The following GLI3 variants were observed in gnomAD, a reference collection of about 807,000 sequenced individuals.
The protein encoded by GLI3 is GLI family zinc finger 3, also known as transcription activator GLI3.
In GLI3, 20 loss-of-function variants were observed where a neutral mutation model predicts 100.8. The ratio of observed to expected loss-of-function variants is 0.20; its 90% CI spans 0.14 to 0.29. GLI3 has a LOEUF of 0.29. Among genes scored for constraint, GLI3 ranks in the 10% least tolerant of loss-of-function variants. The probability of loss-of-function intolerance (pLI) is 1.00; values close to 1 mark genes in which losing one functional copy is unlikely to be tolerated. For missense variants in GLI3, 2,040 were observed against 2,128.5 expected (o/e 0.96, Z 0.82); for synonymous variants, 938 against 860.5 (o/e 1.09, Z -1.58).
intron 2 of GLI3, among the ~76,000 whole-genome samples, chr7:42,170,626 C>A (rs1787353044): frequency 6.6e-6 from 1 of 151,770 alleles, no homozygotes; most frequent in Admixed American, 6.6e-5. Context: ...ATGGTCTCGA[C>A]CTCCTGACCT....
chr7:42,210,215 G>C (rs1373435325), intron 2 of GLI3, among the ~76,000 whole-genome samples: 1 of 151,946 alleles, frequency 6.6e-6, no homozygotes, highest in African/African-American at 2.4e-5. Flanking sequence ...TGTTTACGGA[G>C]GTAGGAGCTA....
At chr7:42,179,837 G>T (rs1171183345) in intron 2 of GLI3, among the ~76,000 whole-genome samples, 1 of 152,146 alleles carries the variant, frequency 6.6e-6, no homozygotes, top group African/African-American at 2.4e-5. Flanking sequence ...GCTAGAAAAG[G>T]TGTAGCAGCC....
intron 6 of GLI3, among the ~76,000 whole-genome samples, chr7:42,041,136 C>T (rs1258763237): frequency 1.3e-5 from 2 of 152,108 alleles, no homozygotes; most frequent in Non-Finnish European, 2.9e-5. Context: ...GTACAATGAA[C>T]CTATAGGGCA....
intron 10 of GLI3, among the ~76,000 whole-genome samples, chr7:41,988,240 T>C (rs1254435863): frequency 6.6e-6 from 1 of 152,050 alleles, no homozygotes; most frequent in Non-Finnish European, 1.5e-5. Context: ...GGCGGGTGGA[T>C]CACCTGAGGT....
chr7:41,965,409 G>A lies in GLI3; in HGVS notation c.3664C>T (p.Pro1222Ser), dbSNP rs118149040. The A allele has an allele frequency of 3.0e-3, 4,834 of 1,609,668 alleles. 6 individuals are homozygous for A. The highest frequency in any genetic ancestry group is 6.4e-3 in the Middle Eastern group (39 of 6,060). ...GYQTLGENSN[P>S]YGGPEHLMLH... ...ATCAAGTGCTCTGGGCCACCGTAGG[G>A]GTTGCTGTTCTCCCCGAGGGTCTGA... The change falls in exon 15 of 15, where the codon CCC (proline) becomes TCC (serine). Residue 1222 changes from proline to serine, a missense_variant. Transcript: ENST00000395925.
chr7:42,219,647 C>T (rs542039879), intron 2 of GLI3, among the ~76,000 whole-genome samples: 1 of 152,246 alleles, frequency 6.6e-6, no homozygotes, highest in East Asian at 1.9e-4. Context: ...CAAGGACATG[C>T]AGTGGAATGT....
At chr7:42,133,777 GA>G (rs1184742589) in intron 3 of GLI3, among the ~76,000 whole-genome samples, 2 of 150,716 alleles carry the variant, frequency 1.3e-5, no homozygotes, top group South Asian at 4.2e-4. Context: ...TTACCAAAAG[GA>G]AAAAAAAATT....
At chr7:42,242,288 C>T (rs1373369344), upstream of GLI3, among the ~76,000 whole-genome samples, 1 of 152,214 alleles carries the variant, frequency 6.6e-6, no homozygotes, top group Non-Finnish European at 1.5e-5. Flanking sequence ...CATTTGGCCA[C>T]AGTCGCTACC....
chr7:42,255,751 T>G (rs1403735301), intron 1 of GLI3, among the ~76,000 whole-genome samples: 1 of 152,212 alleles, frequency 6.6e-6, no homozygotes, highest in Non-Finnish European at 1.5e-5. Context: ...TTGGTGATGA[T>G]GAATAATGCT....
chr7:42,258,665 A>G (rs1250698053), intron 1 of GLI3, among the ~76,000 whole-genome samples: 15 of 152,206 alleles, frequency 9.9e-5, no homozygotes, highest in Admixed American at 9.2e-4. Context: ...AGGTGCCACA[A>G]TGACTTCTTG....
intron 10 of GLI3, among the ~76,000 whole-genome samples, chr7:41,983,231 C>A (rs1787723693): frequency 6.6e-6 from 1 of 151,962 alleles, no homozygotes; most frequent in South Asian, 2.1e-4. Context: ...CCTGAGAAAG[C>A]AAAATTAGAA....
intron 2 of GLI3, among the ~76,000 whole-genome samples, chr7:42,203,590 C>T (rs1480593217): frequency 6.6e-6 from 1 of 152,192 alleles, no homozygotes; most frequent in Non-Finnish European, 1.5e-5. Context: ...TAGTATGCCA[C>T]TATGTATATA....
intron 1 of GLI3, among the ~76,000 whole-genome samples, chr7:42,259,216 A>G (rs933352101): frequency 3.9e-5 from 6 of 152,226 alleles, no homozygotes; most frequent in Non-Finnish European, 8.8e-5. Context: ...TTATTCTTAT[A>G]AACAAATGCT....
chr7:42,120,671 A>G (rs996709659), intron 3 of GLI3, among the ~76,000 whole-genome samples: 1 of 152,216 alleles, frequency 6.6e-6, no homozygotes, highest in African/African-American at 2.4e-5. Context: ...TATTTCAAAG[A>G]ATATAAGGAA....
At chr7:41,988,868 T>G (rs983497329) in intron 10 of GLI3, among the ~76,000 whole-genome samples, 3 of 152,248 alleles carry the variant, frequency 2.0e-5, no homozygotes, top group Non-Finnish European at 4.4e-5. Context: ...TGTTGTCTCT[T>G]AAGAGGCTTC....
At chr7:42,085,073 G>A (rs562553606) in intron 3 of GLI3, among the ~76,000 whole-genome samples, 153 of 151,874 alleles carry the variant, frequency 1.0e-3, no homozygotes, top group Non-Finnish European at 1.8e-3. Flanking sequence ...CACCACGCCC[G>A]GCTAATTTTT....
chr7:42,043,820 C>A (rs561488881), intron 6 of GLI3, among the ~76,000 whole-genome samples: 16 of 152,308 alleles, frequency 1.1e-4, no homozygotes, highest in African/African-American at 3.6e-4. Flanking sequence ...CAAGGATTCT[C>A]TCTTATTTTA....
chr7:42,142,442 G>A (rs550137873), intron 3 of GLI3, among the ~76,000 whole-genome samples: 1 of 152,240 alleles, frequency 6.6e-6, no homozygotes, highest in Non-Finnish European at 1.5e-5. Flanking sequence ...TTCCTGACCT[G>A]GGTGGTCTTC....
chr7:42,105,855 G>C (rs571275694), intron 3 of GLI3, among the ~76,000 whole-genome samples: 22 of 152,224 alleles, frequency 1.4e-4, no homozygotes, highest in African/African-American at 5.3e-4. Context: ...CTCCACGTCT[G>C]CAGTCACATA....
Sources: gnomAD v4.1 joint callset for allele counts (sites outside exome capture counted in the v4.1 genomes callset) on GRCh38, gnomAD v4.1.1 for gene constraint, MANE v1.5 for transcripts, NCBI Gene and HGNC (gene_info 2026-07-23, HGNC 2026-07-21) for gene names.